VWA8: variants seen among roughly 807,000 people sequenced by gnomAD.
VWA8 encodes the protein von Willebrand factor A domain containing 8.
A neutral mutation model predicts 241.5 loss-of-function variants in VWA8; 221 were observed. The observed-to-expected ratio is 0.91, with a 90% CI of 0.82 to 1.02. The LOEUF is 1.02. Ranked by LOEUF, VWA8 falls within the 50% of genes least tolerant of loss-of-function variation. The pLI is 0.00. For missense variants in VWA8, 2,322 were observed against 2,328.7 expected (o/e 1.00, Z 0.06); for synonymous variants, 852 against 827.1 (o/e 1.03, Z -0.52).
chr13:41,869,500 C>T (rs570683065), intron 9 of VWA8, among the ~76,000 whole-genome samples: 1 of 151,966 alleles, frequency 6.6e-6, no homozygotes, highest in Non-Finnish European at 1.5e-5. Context: ...GGCATGGTGG[C>T]ACGCACCTGT....
intron 8 of VWA8, 30 bp from the exon 9 acceptor site, chr13:41,883,521 A>C (rs771315278): frequency 1.3e-6 from 2 of 1,511,352 alleles, no homozygotes; most frequent in South Asian, 2.3e-5. Flanking sequence ...CATAGGAATG[A>C]GCAAAATTCA....
chr13:41,957,144 G>T (rs1878384952), intron 1 of VWA8, among the ~76,000 whole-genome samples: 1 of 152,106 alleles, frequency 6.6e-6, no homozygotes, highest in Admixed American at 6.6e-5. Flanking sequence ...ATCTTGTCTT[G>T]AATTCTAGCT....
Position 41,833,440 on chromosome 13 carries a change from A to G in VWA8, c.1517T>C (p.Leu506Pro). The G allele has an allele frequency of 6.2e-7, 1 of 1,614,034 alleles. No homozygotes were observed. Among genetic ancestry groups the G allele is most frequent in the South Asian group, 1.1e-5 (1 of 91,066 alleles). Residue 506 changes from leucine (L) to proline (P), a missense_variant, in exon 13 of 45, where the codon CTG becomes CCG. Leu to Pro is a moderately conservative substitution (Grantham distance 98). Coordinates refer to ENST00000379310, the MANE Select transcript of VWA8 (RefSeq NM_015058.2). ...ATCCAGCAGGACCAGCTTGCCTTCC[A>G]GAGCAGCATTCACAAGGGGTGAGGA... ...WRSSPLVNAA[L>P]EGKLVLLDGI...
rs573582642 is a variant in VWA8 at position 41,893,463 on chromosome 13, A to T, written c.484-1876T>A. Among the ~76,000 whole-genome samples, 413 of 125,888 alleles carry T rather than the reference A, an allele frequency of 3.3e-3. 2 individuals are homozygous for T. Among genetic ancestry groups the T allele is most frequent in the African/African-American group, 0.014 (380 of 27,592 alleles). The allele number at this position is 125,888 out of a possible 152,430, so 82.6% of individuals were successfully genotyped here. A position where few individuals can be genotyped will look rare whatever the true frequency, so the allele number is the denominator to read the frequency against. ...CCATCTTGTTCTAGAAGCTTTATTT[A>T]AAAAAAAAAAAAAAAGCATGGGTAG... On this transcript the variant is annotated intron_variant, in intron 4 of 44. Transcript: ENST00000379310.
At chr13:41,926,467 G>A (rs1876845853) in intron 2 of VWA8, 1 of 525,286 alleles carries the variant, frequency 1.9e-6, no homozygotes, top group South Asian at 1.5e-5. Context: ...CGCTGGACAT[G>A]AGAATTGCTC....
At chr13:41,930,835 G>A (rs903702320) in intron 2 of VWA8, among the ~76,000 whole-genome samples, 1 of 152,142 alleles carries the variant, frequency 6.6e-6, no homozygotes, top group Non-Finnish European at 1.5e-5. Flanking sequence ...TTTCAGATAA[G>A]GGATGGTCAG....
intron 37 of VWA8, among the ~76,000 whole-genome samples, chr13:41,616,551 C>T (rs1457422558): frequency 1.3e-5 from 2 of 151,698 alleles, no homozygotes; most frequent in Admixed American, 6.6e-5. Context: ...TTTTTCAACT[C>T]GTTTATAAAT....
chr13:41,921,932 T>G (rs1164783299), intron 2 of VWA8, among the ~76,000 whole-genome samples: 1 of 152,176 alleles, frequency 6.6e-6, no homozygotes, highest in African/African-American at 2.4e-5. Context: ...TGGAAAAGAC[T>G]ACTTTAAAGT....
chr13:41,940,755 T>C (rs1188580747), intron 2 of VWA8, among the ~76,000 whole-genome samples: 1 of 152,184 alleles, frequency 6.6e-6, no homozygotes, highest in Non-Finnish European at 1.5e-5. Context: ...GAATTTTTCT[T>C]ACAAATGGAC....
intron 40 of VWA8, among the ~76,000 whole-genome samples, chr13:41,603,711 T>C (rs1463462214): frequency 6.6e-6 from 1 of 152,082 alleles, no homozygotes; most frequent in Non-Finnish European, 1.5e-5. Flanking sequence ...GGTGTGCTTT[T>C]CTCAGCCATA....
rs1451233953 is a variant in VWA8 at position 41,691,319 on chromosome 13, C to T, written c.3866+1G>A. On this transcript the variant is annotated splice_donor_variant, in intron 32 of 44. Transcript: ENST00000379310. LOFTEE classifies it high-confidence loss of function. ...ATGATACACTATATAAAGCCACTCACTGATTTGTTTTGCTCTCCACCAGAA... is the reference window on the plus strand; with the variant it reads ...ATGATACACTATATAAAGCCACTCATTGATTTGTTTTGCTCTCCACCAGAA... 1.9e-6 allele frequency: 3 copies of T among 1,611,746 alleles called. No individual in the cohort carries two copies. In the African/African-American group the frequency reaches 4.0e-5, roughly 22 times the overall value.
chr13:41,738,262 C>T (rs557758143), intron 21 of VWA8, among the ~76,000 whole-genome samples: 2 of 152,064 alleles, frequency 1.3e-5, no homozygotes, highest in African/African-American at 2.4e-5. Context: ...TCACTCATCA[C>T]TAACATGCTC....
At chr13:41,569,636 T>C (rs1012754744) in intron 44 of VWA8, among the ~76,000 whole-genome samples, 1 of 149,644 alleles carries the variant, frequency 6.7e-6, no homozygotes, top group Non-Finnish European at 1.5e-5. Flanking sequence ...CTTTGTGCTT[T>C]AGGCAGGGAT....
intron 20 of VWA8, among the ~76,000 whole-genome samples, chr13:41,771,706 G>C (rs2045824426): frequency 6.6e-6 from 1 of 152,156 alleles, no homozygotes; most frequent in Non-Finnish European, 1.5e-5. Context: ...AGCACCCTGA[G>C]TAGCTGGGAC....
intron 20 of VWA8, among the ~76,000 whole-genome samples, chr13:41,771,063 T>A (rs913015534): frequency 2.0e-5 from 3 of 152,204 alleles, no homozygotes; most frequent in Non-Finnish European, 4.4e-5. Flanking sequence ...AACCAAGTGA[T>A]GTTATGATAT....
chr13:41,950,197 G>A (rs541886333), intron 1 of VWA8, among the ~76,000 whole-genome samples, 184 bp from the exon 2 acceptor site: 1 of 152,184 alleles, frequency 6.6e-6, no homozygotes, highest in East Asian at 1.9e-4. Context: ...AAGGAGAAGT[G>A]AGGCATCAGT....
At chr13:41,712,325 T>C (rs1255974484) in intron 26 of VWA8, among the ~76,000 whole-genome samples, 1 of 152,234 alleles carries the variant, frequency 6.6e-6, no homozygotes, top group East Asian at 1.9e-4. Flanking sequence ...TTGATCATTA[T>C]ACATTTCATG....
chr13:41,773,271 C>T (rs1868415864), intron 20 of VWA8, among the ~76,000 whole-genome samples: 1 of 152,132 alleles, frequency 6.6e-6, no homozygotes, highest in Non-Finnish European at 1.5e-5. Context: ...CCTTTATTTG[C>T]CTGTCTTGAT....
intron 26 of VWA8, among the ~76,000 whole-genome samples, chr13:41,712,694 GC>G (rs1212709866): frequency 6.6e-6 from 1 of 152,178 alleles, no homozygotes; most frequent in Non-Finnish European, 1.5e-5. Context: ...GTGGTTGAAT[GC>G]CCCGTTCTAT....
Sources: gnomAD v4.1 joint callset for allele counts (sites outside exome capture counted in the v4.1 genomes callset) on GRCh38, gnomAD v4.1.1 for gene constraint, MANE v1.5 for transcripts, NCBI Gene and HGNC (gene_info 2026-07-23, HGNC 2026-07-21) for gene names.